The following MNAT1 variants were observed in gnomAD, a reference collection of about 807,000 sequenced individuals.
MNAT1 encodes the protein MNAT1 component of CDK activating kinase.
Under a neutral mutation model 42.0 loss-of-function variants are expected in MNAT1, and 43 were observed. That is an observed-to-expected ratio of 1.02 (90% CI 0.80 to 1.32). The LOEUF (loss-of-function observed/expected upper bound fraction) is 1.32, where lower values mean the gene tolerates loss of function less well. MNAT1 is among the 40% of genes most tolerant of loss of function. The pLI is 0.00. For synonymous variants in MNAT1, 118 were observed against 120.0 expected, an observed-to-expected ratio of 0.98 and a Z score of 0.11; for missense variants, 306 against 350.4, an observed-to-expected ratio of 0.87 and a Z score of 1.01.
At chr14:60,896,506 T>G (rs2034959658) in intron 7 of MNAT1, among the ~76,000 whole-genome samples, 2 of 152,198 alleles carry the variant, frequency 1.3e-5, no homozygotes, top group African/African-American at 4.8e-5. Context: ...TTTTTTCTTT[T>G]TGAAATGGAG....
intron 6 of MNAT1, among the ~76,000 whole-genome samples, chr14:60,869,311 G>A (rs2034278705): frequency 1.3e-5 from 2 of 151,676 alleles, no homozygotes; most frequent in Admixed American, 1.3e-4. Context: ...AAAGTGCTAG[G>A]ATTACAGGCG....
intron 5 of MNAT1, among the ~76,000 whole-genome samples, chr14:60,814,800 T>C (rs1250018674): frequency 6.6e-6 from 1 of 152,194 alleles, no homozygotes; most frequent in Non-Finnish European, 1.5e-5. Context: ...GCATATTAAA[T>C]AGAATAATGA....
At chr14:60,791,327 C>G (rs968123362) in intron 1 of MNAT1, among the ~76,000 whole-genome samples, 8 of 152,030 alleles carry the variant, frequency 5.3e-5, no homozygotes, top group African/African-American at 1.9e-4. Context: ...TTCTGAAAGT[C>G]TACTATCTCT....
At chr14:60,793,043 G>T (rs975574325) in intron 1 of MNAT1, among the ~76,000 whole-genome samples, 1 of 150,622 alleles carries the variant, frequency 6.6e-6, no homozygotes. Context: ...TTTTGAAACA[G>T]GGTCTTGCTC....
At chr14:60,904,121 T>C (rs1196566425) in intron 7 of MNAT1, among the ~76,000 whole-genome samples, 2 of 152,200 alleles carry the variant, frequency 1.3e-5, no homozygotes, top group African/African-American at 4.8e-5. Context: ...TCCACCCGCC[T>C]TGGCCTCCCA....
At chr14:60,912,432 A>T (rs1419853079) in intron 7 of MNAT1, among the ~76,000 whole-genome samples, 1 of 152,022 alleles carries the variant, frequency 6.6e-6, no homozygotes, top group African/African-American at 2.4e-5. Flanking sequence ...GTCTTTACAA[A>T]TTGGCATGTT....
intron 1 of MNAT1, among the ~76,000 whole-genome samples, chr14:60,772,147 C>G (rs796925885): frequency 1.4e-4 from 21 of 152,230 alleles, no homozygotes; most frequent in African/African-American, 5.1e-4. Context: ...AAGATCAAAA[C>G]CATACTCAGG....
intron 6 of MNAT1, among the ~76,000 whole-genome samples, chr14:60,869,048 T>A (rs1207385516): frequency 3.3e-5 from 3 of 91,296 alleles, no homozygotes; most frequent in South Asian, 3.3e-4. Context: ...ATATTTTTTT[T>A]TTTTTTTTTG....
intron 6 of MNAT1, among the ~76,000 whole-genome samples, chr14:60,826,313 T>C (rs76362411): frequency 7.3e-6 from 1 of 136,796 alleles, no homozygotes; most frequent in South Asian, 2.5e-4. Context: ...AGAAATTTTT[T>C]TTTTTTTTTT....
chr14:60,753,157 A>G (rs1334640113), intron 1 of MNAT1, among the ~76,000 whole-genome samples: 1 of 152,210 alleles, frequency 6.6e-6, no homozygotes, highest in African/African-American at 2.4e-5. Context: ...CTTGTGCATC[A>G]GGAATTTGGG....
At chr14:60,938,748 C>A (rs372261107) in intron 7 of MNAT1, among the ~76,000 whole-genome samples, 93 of 152,252 alleles carry the variant, frequency 6.1e-4, no homozygotes, top group Non-Finnish European at 1.0e-3. Context: ...TGGCCTCATA[C>A]AATGAGTTAG....
chr14:60,953,750 A>T (rs923016048), intron 7 of MNAT1, among the ~76,000 whole-genome samples: 8 of 152,148 alleles, frequency 5.3e-5, no homozygotes, highest in Non-Finnish European at 7.4e-5. Context: ...TTAACACTGT[A>T]CTAGGGGTTC....
intron 7 of MNAT1, among the ~76,000 whole-genome samples, chr14:60,891,536 C>T (rs955126604): frequency 6.6e-6 from 1 of 151,988 alleles, no homozygotes; most frequent in African/African-American, 2.4e-5. Context: ...CTGCAACCTC[C>T]GCCTCCCATA....
chr14:60,779,325 G>A (rs2031362262), intron 1 of MNAT1, among the ~76,000 whole-genome samples: 1 of 152,162 alleles, frequency 6.6e-6, no homozygotes, highest in Non-Finnish European at 1.5e-5. Context: ...GATCTGGATC[G>A]CTCTACTGGC....
intron 6 of MNAT1, among the ~76,000 whole-genome samples, chr14:60,866,166 C>G (rs2034198162): frequency 6.6e-6 from 1 of 152,054 alleles, no homozygotes; most frequent in Non-Finnish European, 1.5e-5. Flanking sequence ...CAAATGTAAG[C>G]CACCTACTTA....
chr14:60,857,193 A>T (rs1394635004), intron 6 of MNAT1, among the ~76,000 whole-genome samples: 2 of 152,226 alleles, frequency 1.3e-5, no homozygotes, highest in East Asian at 3.8e-4. Context: ...ATCACTCAAG[A>T]GCTCTGACAG....
intron 6 of MNAT1, among the ~76,000 whole-genome samples, chr14:60,839,557 ACGTCCCC>A (rs771185651): frequency 1.8e-4 from 28 of 152,196 alleles, no homozygotes; most frequent in Non-Finnish European, 4.4e-5. Flanking sequence ...GGACTGAAAT[ACGTCCCC>A]CTGCTCACCA....
chr14:60,837,627 A>G (rs4151244), intron 6 of MNAT1, among the ~76,000 whole-genome samples: 36,667 of 152,090 alleles, frequency 0.24, 4,845 homozygotes, highest in Middle Eastern at 0.32. Context: ...TTCTGCATTG[A>G]TCTTGCTGCA....
chr14:60,961,141 T>C (rs1300397423), intron 7 of MNAT1, among the ~76,000 whole-genome samples: 1 of 152,114 alleles, frequency 6.6e-6, no homozygotes, highest in Non-Finnish European at 1.5e-5. Flanking sequence ...TTTGTATTTT[T>C]AGTAGAGATG....
Sources: allele counts gnomAD v4.1 joint callset (sites outside exome capture counted in the v4.1 genomes callset), GRCh38; gene constraint gnomAD v4.1.1; transcripts MANE v1.5; gene names NCBI Gene and HGNC (gene_info 2026-07-23, HGNC 2026-07-21).